Variants in CACNG2 observed in about 807,000 individuals in gnomAD.
CACNG2 encodes voltage-dependent calcium channel gamma-2 subunit.
In CACNG2, 3 loss-of-function variants were observed where a neutral mutation model predicts 25.9. The ratio of observed to expected loss-of-function variants is 0.12; its 90% CI spans 0.05 to 0.30. The LOEUF (loss-of-function observed/expected upper bound fraction) is 0.30, where lower values mean the gene tolerates loss of function less well. Among genes scored for constraint, CACNG2 ranks in the 10% least tolerant of loss-of-function variants. The probability of loss-of-function intolerance (pLI) is 1.00; values close to 1 mark genes in which losing one functional copy is unlikely to be tolerated. For missense variants in CACNG2, 341 were observed against 432.5 expected, an observed-to-expected ratio of 0.79 and a Z score of 1.88; for synonymous variants, 167 against 173.3, an observed-to-expected ratio of 0.96 and a Z score of 0.29.
At chr22:36,584,694 C>T (rs1255760445) in intron 2 of CACNG2, 5 of 152,202 alleles carry the variant, frequency 3.3e-5, no homozygotes, top group Admixed American at 1.3e-4. Context: ...ATGGAAGGAC[C>T]TCCTCTGGTC....
chr22:36,607,960 G>C (rs1370229382), intron 1 of CACNG2, among the ~76,000 whole-genome samples: 1 of 152,192 alleles, frequency 6.6e-6, no homozygotes, highest in African/African-American at 2.4e-5. Flanking sequence ...CCCGAGACTA[G>C]GGTGAGACAT....
At chr22:36,700,145 C>A (rs894081575) in intron 1 of CACNG2, among the ~76,000 whole-genome samples, 2 of 152,258 alleles carry the variant, frequency 1.3e-5, no homozygotes, top group South Asian at 4.1e-4. Context: ...CTGTGCGCAT[C>A]GCACAATCCT....
intron 1 of CACNG2, among the ~76,000 whole-genome samples, chr22:36,594,737 G>T (rs1382721712): frequency 6.6e-6 from 1 of 151,398 alleles, no homozygotes; most frequent in Non-Finnish European, 1.5e-5. Context: ...GTCTGTGTGT[G>T]CATGGGTGTG....
chr22:36,578,756 G>A (rs1217121235), intron 2 of CACNG2, among the ~76,000 whole-genome samples: 1 of 152,172 alleles, frequency 6.6e-6, no homozygotes, highest in Non-Finnish European at 1.5e-5. Context: ...GGGTGAACAT[G>A]CCAGCTGCCC....
At chr22:36,609,413 G>C (rs2145939259) in intron 1 of CACNG2, among the ~76,000 whole-genome samples, 1 of 122,630 alleles carries the variant, frequency 8.2e-6, no homozygotes, top group Non-Finnish European at 1.7e-5. Context: ...GTGATCGGGA[G>C]GAATCAGCCC....
At chr22:36,589,855 C>G (rs1347500393) in intron 1 of CACNG2, among the ~76,000 whole-genome samples, 1 of 152,196 alleles carries the variant, frequency 6.6e-6, no homozygotes, top group Non-Finnish European at 1.5e-5. Flanking sequence ...AGTCTTCATA[C>G]CAGCTGCTAA....
At chr22:36,602,222 G>A (rs1236235048) in intron 1 of CACNG2, among the ~76,000 whole-genome samples, 1 of 152,026 alleles carries the variant, frequency 6.6e-6, no homozygotes, top group South Asian at 2.1e-4. Context: ...TGGATATTGA[G>A]ACTTTAGTTT....
At chr22:36,658,412 G>A (rs1936739625) in intron 1 of CACNG2, among the ~76,000 whole-genome samples, 1 of 152,230 alleles carries the variant, frequency 6.6e-6, no homozygotes, top group Non-Finnish European at 1.5e-5. Context: ...GAGGGAAGAG[G>A]AGCAGAGAGA....
intron 1 of CACNG2, among the ~76,000 whole-genome samples, chr22:36,677,848 G>C (rs1410515286): frequency 6.6e-6 from 1 of 152,160 alleles, no homozygotes; most frequent in African/African-American, 2.4e-5. Flanking sequence ...TTTGAAGATA[G>C]TTCTATTCAA....
chr22:36,613,582 G>A (rs1935977897), intron 1 of CACNG2, among the ~76,000 whole-genome samples: 1 of 152,004 alleles, frequency 6.6e-6, no homozygotes, highest in Non-Finnish European at 1.5e-5. Flanking sequence ...TACATTTGGT[G>A]TTTCTGGGGC....
Position 36,563,065 on chromosome 22 carries a change from C to T in CACNG2, c.*1286G>A, listed in dbSNP as rs1476425469. 6.6e-6 allele frequency: 1 copy of T among 151,640 alleles called. No homozygotes were observed. 9.4% of individuals were successfully genotyped at this position (151,640 alleles called of 1,614,324 possible). On this transcript the variant is annotated 3_prime_UTR_variant, in exon 4 of 4. Coordinates refer to ENST00000300105, the MANE Select transcript of CACNG2 (RefSeq NM_006078.5). ...TAAAAGAAAAATACTATCTGATTTT[C>T]TTGCAAGTAAATCCACTTATTTTGT...
At chr22:36,673,961 G>C (rs534969551) in intron 1 of CACNG2, among the ~76,000 whole-genome samples, 1 of 152,210 alleles carries the variant, frequency 6.6e-6, no homozygotes, top group Non-Finnish European at 1.5e-5. Flanking sequence ...ATTTGGTAAC[G>C]GGGTCCCCTG....
chr22:36,680,710 C>A (rs924786802), intron 1 of CACNG2, among the ~76,000 whole-genome samples: 1 of 145,916 alleles, frequency 6.9e-6, no homozygotes, highest in African/African-American at 2.6e-5. Flanking sequence ...CCACTACCAC[C>A]ATCACCATCA....
In CACNG2 at chr22:36,625,026, C is replaced by CAA. The variant is rs57987215; in HGVS notation, c.212-37480_212-37479dup. On this transcript the variant is annotated intron_variant, in intron 1 of 3. Transcript: ENST00000300105. ...CTGGCAACAGAGTGAGACTCTGTCT[C>CAA]AAAAAAAAAAAAAAAAGAACCACAG... Among the ~76,000 whole-genome samples, 5 of 67,652 alleles carry CAA rather than the reference C, an allele frequency of 7.4e-5. 2 individuals are homozygous for CAA. The highest frequency in any genetic ancestry group is 1.3e-4 in the Non-Finnish European group (5 of 39,780). 44.4% of individuals were successfully genotyped at this position (67,652 alleles called of 152,430 possible). A position where few individuals can be genotyped will look rare whatever the true frequency, so the allele number is the denominator to read the frequency against.
chr22:36,611,976 C>T lies in CACNG2; in HGVS notation c.212-24428G>A, dbSNP rs564071498. Among the ~76,000 whole-genome samples, 9 of 152,246 alleles carry T rather than the reference C, an allele frequency of 5.9e-5. 1 individual carries two copies. Among genetic ancestry groups the T allele is most frequent in the African/African-American group, 2.2e-4 (9 of 41,544 alleles). On this transcript the variant is annotated intron_variant, in intron 1 of 3. Transcript: ENST00000300105. ...CCTCTGTAAACCGGGTTAATAACAC[C>T]AATGTCAAAACATGGTTGTGAAGAT...
intron 1 of CACNG2, among the ~76,000 whole-genome samples, chr22:36,623,570 C>A (rs1302659051): frequency 6.6e-6 from 1 of 152,102 alleles, no homozygotes; most frequent in African/African-American, 2.4e-5. Context: ...TGAGTTAGTA[C>A]AAGAGTGCCT....
intron 1 of CACNG2, among the ~76,000 whole-genome samples, chr22:36,694,702 G>A (rs1937311858): frequency 6.6e-6 from 1 of 152,146 alleles, no homozygotes. Flanking sequence ...CCCCTGCTAG[G>A]ACTCCCCTGG....
intron 1 of CACNG2, among the ~76,000 whole-genome samples, chr22:36,629,395 C>G (rs1195976321): frequency 7.2e-5 from 11 of 152,082 alleles, no homozygotes; most frequent in Admixed American, 7.2e-4. Context: ...GAGCTCAGAG[C>G]TTGGGGGAGG....
At chr22:36,679,514 A>C (rs1301681868) in intron 1 of CACNG2, among the ~76,000 whole-genome samples, 1 of 152,214 alleles carries the variant, frequency 6.6e-6, no homozygotes, top group Admixed American at 6.5e-5. Context: ...ACCAGATTAC[A>C]ATCAGTTATG....
Sources: gnomAD v4.1 joint callset for allele counts (sites outside exome capture counted in the v4.1 genomes callset) on GRCh38, gnomAD v4.1.1 for gene constraint, MANE v1.5 for transcripts, NCBI Gene and HGNC (gene_info 2026-07-23, HGNC 2026-07-21) for gene names.